The following WIPI2 variants were observed in gnomAD, a reference collection of about 807,000 sequenced individuals.
WIPI2 encodes WD repeat domain, phosphoinositide interacting 2.
A neutral mutation model predicts 52.3 loss-of-function variants in WIPI2; 28 were observed. That is an observed-to-expected ratio of 0.54 (90% CI 0.40 to 0.73). The LOEUF is 0.73. Among genes scored for constraint, WIPI2 ranks in the 30% least tolerant of loss-of-function variants. WIPI2 has a pLI of 0.00. For missense variants in WIPI2, 506 were observed against 602.9 expected, an observed-to-expected ratio of 0.84 and a Z score of 1.68; for synonymous variants, 268 against 245.0, an observed-to-expected ratio of 1.09 and a Z score of -0.88.
intron 3 of WIPI2, among the ~76,000 whole-genome samples, chr7:5,200,342 C>T (rs10951842): frequency 0.64 from 97,820 of 151,990 alleles, 31,892 homozygotes; most frequent in East Asian, 0.7. Context: ...TTTCCACGTG[C>T]GTAATTTTTA....
intron 3 of WIPI2, among the ~76,000 whole-genome samples, chr7:5,203,039 G>A (rs371317271): frequency 2.0e-5 from 3 of 152,140 alleles, no homozygotes; most frequent in Non-Finnish European, 4.4e-5. Context: ...CTGCTCCTTA[G>A]CTCAGCAAAA....
chr7:5,219,311 C>T (rs1238968304), intron 7 of WIPI2, among the ~76,000 whole-genome samples: 1 of 152,218 alleles, frequency 6.6e-6, no homozygotes, highest in Non-Finnish European at 1.5e-5. Flanking sequence ...CCAATAGCAC[C>T]TTGTCCTTTT....
At chr7:5,214,164 T>G in intron 3 of WIPI2, 1 of 858,722 alleles carries the variant, frequency 1.2e-6, no homozygotes, top group South Asian at 1.9e-5. Context: ...GGGGAAGCAA[T>G]TGCAGTTTCG....
intron 8 of WIPI2, among the ~76,000 whole-genome samples, chr7:5,224,885 A>G (rs1702543662): frequency 6.6e-6 from 1 of 152,178 alleles, no homozygotes; most frequent in African/African-American, 2.4e-5. Flanking sequence ...ATAATTTTGC[A>G]AAGGCGGTTT....
Position 5,227,391 on chromosome 7 carries a change from C to A in WIPI2, c.1013+47C>A. The A allele has an allele frequency of 6.3e-7, 1 of 1,598,668 alleles. No individual in the cohort carries two copies. Among genetic ancestry groups the A allele is most frequent in the Non-Finnish European group, 8.5e-7 (1 of 1,175,268 alleles). ...GTCCCCCACCCCGTGTGCCTCAGGC[C>A]GAGGGGCCCAGTCCTGGCGGCTTGT... On this transcript the variant is annotated intron_variant, in intron 10 of 12. Coordinates refer to ENST00000288828, the MANE Select transcript of WIPI2 (RefSeq NM_015610.4). The surrounding 1 kb of genome is among the most constrained non-coding windows in gnomAD (Gnocchi z 8.1).
At chr7:5,228,268 G>A in intron 11 of WIPI2, 57 bp downstream of exon 11, 1 of 1,461,904 alleles carries the variant, frequency 6.8e-7, no homozygotes, top group Non-Finnish European at 9.2e-7. Flanking sequence ...GGGCTTTCGG[G>A]GCACCTGGCG....
intron 3 of WIPI2, chr7:5,213,432 G>C (rs913817619): frequency 2.0e-5 from 3 of 152,650 alleles, no homozygotes; most frequent in African/African-American, 7.2e-5. Flanking sequence ...CGGGTGCGAG[G>C]GTGGTCCTGT....
rs746871960 is a variant in WIPI2 at position 5,217,889 on chromosome 7, G to A, written c.577-33G>A. Reference sequence around the variant, plus strand: ...CCTGGGGCGTGGGCGGTCACTGTGCGGTGGCCACTCTTTATTGGTGTCCCT... The same window carrying A: ...CCTGGGGCGTGGGCGGTCACTGTGCAGTGGCCACTCTTTATTGGTGTCCCT... On this transcript the variant is annotated intron_variant, in intron 6 of 12. Coordinates refer to ENST00000288828, the MANE Select transcript of WIPI2 (RefSeq NM_015610.4). 66 of 1,610,054 alleles carry A rather than the reference G, an allele frequency of 4.1e-5. No individual in the cohort carries two copies. In the Admixed American group the frequency reaches 7.0e-4, roughly 17 times the overall value.
intron 9 of WIPI2, 200 bp from the exon 10 acceptor site, chr7:5,226,980 C>G (rs1237870070): frequency 1.5e-6 from 1 of 653,256 alleles, no homozygotes; most frequent in Non-Finnish European, 2.5e-6. Context: ...CTGAGCACCC[C>G]TCCCCCGACA....
chr7:5,211,940 C>T (rs554647837), intron 3 of WIPI2, among the ~76,000 whole-genome samples: 1 of 152,310 alleles, frequency 6.6e-6, no homozygotes, highest in East Asian at 1.9e-4. Context: ...AGGACGCGTG[C>T]CGCTGAGCTT....
At chr7:5,222,979 G>A (rs1370854327) in intron 8 of WIPI2, among the ~76,000 whole-genome samples, 1 of 152,214 alleles carries the variant, frequency 6.6e-6, no homozygotes, top group Non-Finnish European at 1.5e-5. Flanking sequence ...ACGGGGCGGC[G>A]ACGTCATGGG....
At chr7:5,215,939 G>A (rs938799509) in intron 4 of WIPI2, among the ~76,000 whole-genome samples, 1 of 152,168 alleles carries the variant, frequency 6.6e-6, no homozygotes, top group Admixed American at 6.5e-5. Context: ...TTTTACCTGT[G>A]CTGCACTCAG....
At chr7:5,197,420 C>G (rs1294335953) in intron 2 of WIPI2, among the ~76,000 whole-genome samples, 1 of 152,098 alleles carries the variant, frequency 6.6e-6, no homozygotes, top group Non-Finnish European at 1.5e-5. Context: ...AGGGATATTA[C>G]TCTATTCTTC....
intron 2 of WIPI2, among the ~76,000 whole-genome samples, chr7:5,193,643 A>G (rs1781588745): frequency 6.6e-6 from 1 of 152,214 alleles, no homozygotes; most frequent in African/African-American, 2.4e-5. Context: ...TATAATGATC[A>G]TAGCTTACTG....
At chr7:5,194,969 T>C (rs1206169010) in intron 2 of WIPI2, among the ~76,000 whole-genome samples, 1 of 151,896 alleles carries the variant, frequency 6.6e-6, no homozygotes, top group East Asian at 1.9e-4. Context: ...GGCGGGCTTG[T>C]GGGGCCGTGA....
At position 5,190,289 on chromosome 7, in the gene WIPI2, G is replaced by A. The variant is rs1322837887; in HGVS notation, c.-131G>A. On this transcript the variant is annotated 5_prime_UTR_variant, in exon 1 of 13. Transcript: ENST00000288828. ...AAGAGCGGGGACGGGATGAGGCGGC[G>A]GTTGATCCCAGGGTGGCGAGTGGCG... The A allele has an allele frequency of 4.3e-6, 2 of 470,166 alleles. No homozygotes were observed. Among genetic ancestry groups the A allele is most frequent in the Non-Finnish European group, 3.2e-6 (1 of 310,550 alleles). 29.1% of individuals were successfully genotyped at this position (470,166 alleles called of 1,614,324 possible).
intron 11 of WIPI2, 58 bp from the exon 12 acceptor site, chr7:5,229,550 C>G: frequency 4.4e-6 from 7 of 1,576,216 alleles, no homozygotes; most frequent in Non-Finnish European, 6.0e-6. Context: ...CCAGTGTGTA[C>G]TGCCCGCAGG....
intron 4 of WIPI2, among the ~76,000 whole-genome samples, chr7:5,215,479 G>A (rs1044504835): frequency 3.3e-5 from 5 of 152,248 alleles, no homozygotes; most frequent in Admixed American, 2.6e-4. Context: ...ACGTGTGTGT[G>A]TCTCCCAGCT....
Position 5,226,998 on chromosome 7 carries a change from G to C in WIPI2, c.849-182G>C, listed in dbSNP as rs59864675. 1,349 of 765,126 alleles carry C rather than the reference G, an allele frequency of 1.8e-3. 15 individuals carry two copies. The African/African-American group carries it at 0.022, about 12-fold the overall frequency. The allele number at this position is 765,126 out of a possible 1,614,324, so 47.4% of individuals were successfully genotyped here. A position where few individuals can be genotyped will look rare whatever the true frequency, so the allele number is the denominator to read the frequency against. On this transcript the variant is annotated intron_variant, in intron 9 of 12. Transcript: ENST00000288828. ...AGCACCCCTCCCCCGACACCTCCCA[G>C]AGGAAGCTCCGTGATGCCCCTGGGG...
Sources: allele counts gnomAD v4.1 joint callset (sites outside exome capture counted in the v4.1 genomes callset), GRCh38; gene constraint gnomAD v4.1.1; non-coding constraint Gnocchi (gnomAD v3.1); transcripts MANE v1.5; gene names NCBI Gene and HGNC (gene_info 2026-07-23, HGNC 2026-07-21).